ZMAT4: variants seen among roughly 807,000 people sequenced by gnomAD.
ZMAT4 encodes zinc finger matrin-type protein 4.
Under a neutral mutation model 28.7 loss-of-function variants are expected in ZMAT4, and 17 were observed. That is an observed-to-expected ratio of 0.59 (90% CI 0.41 to 0.89). The LOEUF (loss-of-function observed/expected upper bound fraction) is 0.89. ZMAT4 is among the 40% of genes least tolerant of loss of function. The probability of loss-of-function intolerance (pLI) is 0.00; values close to 1 mark genes in which losing one functional copy is unlikely to be tolerated. For missense variants in ZMAT4, 240 were observed against 283.8 expected (o/e 0.85, Z 1.11); for synonymous variants, 117 against 109.2 (o/e 1.07, Z -0.44).
intron 2 of ZMAT4, among the ~76,000 whole-genome samples, chr8:40,796,188 G>T (rs1451937181): frequency 1.3e-5 from 2 of 152,184 alleles, no homozygotes; most frequent in East Asian, 1.9e-4. Flanking sequence ...TACCCAGTGT[G>T]CATCCACAGC....
chr8:40,895,801 G>A (rs1818848112), intron 1 of ZMAT4, among the ~76,000 whole-genome samples: 1 of 152,230 alleles, frequency 6.6e-6, no homozygotes, highest in Middle Eastern at 3.4e-3. Flanking sequence ...TTTCCTTACT[G>A]CCTTCATGAA....
intron 1 of ZMAT4, among the ~76,000 whole-genome samples, chr8:40,881,495 GAA>G (rs1563263570): frequency 9.3e-5 from 12 of 129,464 alleles, no homozygotes; most frequent in African/African-American, 3.2e-4. Flanking sequence ...AAGAAAGAAA[GAA>G]AGAGGAAGGA....
At chr8:40,700,220 G>GACTC (rs1810074340) in intron 3 of ZMAT4, among the ~76,000 whole-genome samples, 1 of 151,350 alleles carries the variant, frequency 6.6e-6, no homozygotes, top group Non-Finnish European at 1.5e-5. Flanking sequence ...TCTCATATTG[G>GACTC]ACTCACATAC....
chr8:40,658,564 C>T (rs1399514741), intron 5 of ZMAT4, among the ~76,000 whole-genome samples: 1 of 151,118 alleles, frequency 6.6e-6, no homozygotes, highest in African/African-American at 2.4e-5. Context: ...CTGGCGTTGG[C>T]TCCATTGGTA....
At chr8:40,603,941 T>C (rs536706132) in intron 5 of ZMAT4, among the ~76,000 whole-genome samples, 241 of 152,312 alleles carry the variant, frequency 1.6e-3, no homozygotes, top group Non-Finnish European at 2.8e-3. Flanking sequence ...TCTCCTTGAT[T>C]AGGTCTATTT....
chr8:40,788,965 GAGGA>G (rs1416089331), intron 2 of ZMAT4, among the ~76,000 whole-genome samples: 9 of 136,624 alleles, frequency 6.6e-5, no homozygotes, highest in Middle Eastern at 3.8e-3. Flanking sequence ...GAAAGAGAGA[GAGGA>G]AGGGAGGGAG....
At chr8:40,739,740 T>A (rs1811922561) in intron 3 of ZMAT4, among the ~76,000 whole-genome samples, 1 of 152,176 alleles carries the variant, frequency 6.6e-6, no homozygotes. Context: ...CAACCCTTCG[T>A]GTAGGTTTTA....
intron 5 of ZMAT4, 36 bp downstream of exon 5, chr8:40,674,668 C>T (rs766746955): frequency 6.4e-7 from 1 of 1,553,120 alleles, no homozygotes; most frequent in Non-Finnish European, 8.9e-7. Context: ...TCTGAAAGCC[C>T]AGTTTTGTGG....
At chr8:40,723,542 C>CAAAAAAAAAAAAA (rs58513087) in intron 3 of ZMAT4, among the ~76,000 whole-genome samples, 1 of 66,862 alleles carries the variant, frequency 1.5e-5, no homozygotes, top group African/African-American at 5.9e-5. Flanking sequence ...GATTCCATCT[C>CAAAAAAAAAAAAA]AAAAAAAAAA....
intron 1 of ZMAT4, among the ~76,000 whole-genome samples, chr8:40,833,705 C>T (rs1373650961): frequency 6.6e-6 from 1 of 152,108 alleles, no homozygotes; most frequent in Admixed American, 6.6e-5. Flanking sequence ...CACACACCAC[C>T]TGGGTCGACA....
chr8:40,680,284 C>T (rs1410905062), intron 4 of ZMAT4, among the ~76,000 whole-genome samples: 2 of 152,134 alleles, frequency 1.3e-5, no homozygotes, highest in Non-Finnish European at 2.9e-5. Flanking sequence ...TTCAGTATGG[C>T]CCCAACCATC....
intron 3 of ZMAT4, among the ~76,000 whole-genome samples, chr8:40,744,118 G>A (rs902037704): frequency 2.4e-4 from 36 of 152,234 alleles, no homozygotes; most frequent in African/African-American, 8.4e-4. Context: ...ACAGGCCTGT[G>A]AAGGGCCTCT....
At chr8:40,579,262 A>G (rs1285860292) in intron 6 of ZMAT4, among the ~76,000 whole-genome samples, 2 of 152,112 alleles carry the variant, frequency 1.3e-5, no homozygotes, top group Non-Finnish European at 2.9e-5. Flanking sequence ...TTTTCTATGT[A>G]TTGAGTGATG....
In ZMAT4 at chr8:40,674,713, C is replaced by T; in HGVS notation, c.568G>A (p.Glu190Lys). The change falls in exon 5 of 7, where the codon GAA becomes AAA. Residue 190 changes from glutamate to lysine, a missense_variant. Transcript: ENST00000297737. ...EQLGTTLDMG[E>K]LRGLRRNYRC... ...GAAGAGCTGCCCTTACCTCTCAGTT[C>T]CCCCATATCCAGGGTTGTCCCCAGT... 1 of 1,613,732 alleles carries T rather than the reference C, an allele frequency of 6.2e-7. No individual in the cohort carries two copies. Among genetic ancestry groups the T allele is most frequent in the Non-Finnish European group, 8.5e-7 (1 of 1,179,726 alleles).
intron 3 of ZMAT4, among the ~76,000 whole-genome samples, chr8:40,727,176 G>A (rs1425717302): frequency 1.3e-5 from 2 of 152,030 alleles, no homozygotes; most frequent in Non-Finnish European, 2.9e-5. Context: ...TATCTCTTTG[G>A]CTGCTATCTT....
chr8:40,678,140 T>G (rs1384817390), intron 4 of ZMAT4, among the ~76,000 whole-genome samples: 7 of 152,128 alleles, frequency 4.6e-5, no homozygotes, highest in Non-Finnish European at 2.9e-5. Context: ...AACTATAAAA[T>G]GAAGCTTTCT....
intron 1 of ZMAT4, among the ~76,000 whole-genome samples, chr8:40,872,318 C>T (rs1161153378): frequency 6.6e-6 from 1 of 152,216 alleles, no homozygotes; most frequent in Non-Finnish European, 1.5e-5. Flanking sequence ...CAAAAGCTGC[C>T]CAGCCCTCCA....
At chr8:40,612,093 C>A (rs561198738) in intron 5 of ZMAT4, among the ~76,000 whole-genome samples, 1 of 152,142 alleles carries the variant, frequency 6.6e-6, no homozygotes, top group African/African-American at 2.4e-5. Flanking sequence ...CATTTTCCTG[C>A]TTTGTAAGAA....
intron 3 of ZMAT4, among the ~76,000 whole-genome samples, chr8:40,738,046 G>A (rs1811846681): frequency 1.3e-5 from 2 of 152,152 alleles, no homozygotes; most frequent in African/African-American, 4.8e-5. Context: ...GGATGGGTTG[G>A]AAAGAAAAGC....
Sources: gnomAD v4.1 joint callset for allele counts (sites outside exome capture counted in the v4.1 genomes callset) on GRCh38, gnomAD v4.1.1 for gene constraint, MANE v1.5 for transcripts, NCBI Gene and HGNC (gene_info 2026-07-23, HGNC 2026-07-21) for gene names.